Variants in SORCS1 observed in about 807,000 individuals in gnomAD.
SORCS1 encodes VPS10 domain-containing receptor SorCS1.
Under a neutral mutation model 146.1 loss-of-function variants are expected in SORCS1, and 60 were observed. That is an observed-to-expected ratio of 0.41 (90% CI 0.33 to 0.51). SORCS1 has a LOEUF of 0.51. SORCS1 is among the 20% of genes least tolerant of loss of function. The pLI is 0.21. For synonymous variants in SORCS1, 637 were observed against 584.0 expected (o/e 1.09, Z -1.31); for missense variants, 1,352 against 1,487.6 (o/e 0.91, Z 1.50).
At chr10:106,702,208 C>A (rs1854186991) in intron 8 of SORCS1, among the ~76,000 whole-genome samples, 1 of 152,210 alleles carries the variant, frequency 6.6e-6, no homozygotes, top group Non-Finnish European at 1.5e-5. Flanking sequence ...GGCTCCCCAT[C>A]CTATAGGGTA....
At chr10:106,674,476 T>G (rs1016695037) in intron 14 of SORCS1, among the ~76,000 whole-genome samples, 2 of 151,918 alleles carry the variant, frequency 1.3e-5, no homozygotes, top group Non-Finnish European at 2.9e-5. Flanking sequence ...TGTCCAGTTT[T>G]CCAAAGGAAG....
At chr10:106,752,035 AAAAAT>A (rs1158366305) in intron 5 of SORCS1, among the ~76,000 whole-genome samples, 71 of 152,320 alleles carry the variant, frequency 4.7e-4, no homozygotes, top group African/African-American at 1.7e-3. Context: ...TTTTAATGCT[AAAAAT>A]AAGACTTTGT....
chr10:106,838,874 G>C (rs1280685548), intron 2 of SORCS1, among the ~76,000 whole-genome samples: 3 of 152,090 alleles, frequency 2.0e-5, no homozygotes, highest in Non-Finnish European at 4.4e-5. Context: ...ATCTGTTATG[G>C]AGATCCGTGA....
At chr10:107,024,183 A>G (rs1958286383) in intron 1 of SORCS1, among the ~76,000 whole-genome samples, 1 of 151,816 alleles carries the variant, frequency 6.6e-6, no homozygotes, top group African/African-American at 2.4e-5. Flanking sequence ...CAAAAAAAAA[A>G]AAAAAAAAAA....
At chr10:106,722,464 A>C (rs1304231328) in intron 6 of SORCS1, among the ~76,000 whole-genome samples, 1 of 152,152 alleles carries the variant, frequency 6.6e-6, no homozygotes, top group African/African-American at 2.4e-5. Flanking sequence ...TAGTTATATA[A>C]AGTTGTGAGT....
chr10:106,701,193 A>G (rs894810706), intron 8 of SORCS1, among the ~76,000 whole-genome samples: 1 of 152,132 alleles, frequency 6.6e-6, no homozygotes, highest in Non-Finnish European at 1.5e-5. Flanking sequence ...ATTTTTTTTA[A>G]TATTTTCAAT....
chr10:106,941,665 A>G (rs1954048222), intron 2 of SORCS1, among the ~76,000 whole-genome samples: 1 of 152,258 alleles, frequency 6.6e-6, no homozygotes, highest in Non-Finnish European at 1.5e-5. Flanking sequence ...AAGCCAAAGT[A>G]AGGTCAACTT....
At chr10:107,049,332 A>G (rs551802426) in intron 1 of SORCS1, among the ~76,000 whole-genome samples, 3 of 149,906 alleles carry the variant, frequency 2.0e-5, no homozygotes, top group Admixed American at 2.0e-4. Flanking sequence ...TGACGAGTTA[A>G]TGGGTGCAGC....
chr10:106,854,969 T>C (rs775883886), intron 2 of SORCS1, among the ~76,000 whole-genome samples: 7 of 152,188 alleles, frequency 4.6e-5, no homozygotes, highest in Non-Finnish European at 1.0e-4. Context: ...TGCTCTTCTT[T>C]TCCTTACATA....
chr10:107,174,030 G>A, the SORCS1 span, among the ~76,000 whole-genome samples: 1 of 152,084 alleles, frequency 6.6e-6, no homozygotes, highest in African/African-American at 2.4e-5. Flanking sequence ...TAGGAATGAT[G>A]GACTTTTTAA....
chr10:106,761,757 C>T lies in SORCS1; in HGVS notation c.886-96G>A, dbSNP rs141910096. Reference sequence around the variant, plus strand: ...GATCAATAGTAATAATAATAATACCCAACATTTACTGAACACCTGCCATAT... The same window carrying T: ...GATCAATAGTAATAATAATAATACCTAACATTTACTGAACACCTGCCATAT... On this transcript the variant is annotated intron_variant, in intron 4 of 25. Transcript: ENST00000263054. 2.0e-4 allele frequency: 205 copies of T among 1,051,150 alleles called. No homozygotes were observed. The African/African-American group carries it at 2.6e-3, about 13-fold the overall frequency. 65.1% of individuals were successfully genotyped at this position (1,051,150 alleles called of 1,614,324 possible).
chr10:106,636,944 CTT>C (rs2133637111), intron 18 of SORCS1, among the ~76,000 whole-genome samples: 1 of 152,304 alleles, frequency 6.6e-6, no homozygotes, highest in Admixed American at 6.5e-5. Context: ...AACCAAAGAA[CTT>C]TGTAAGCTTC....
rs1963962413 is a variant in SORCS1, at chr10:107,088,835, T to G, written c.558+75134A>C. Among the ~76,000 whole-genome samples, 4 of 152,340 alleles carry G rather than the reference T, an allele frequency of 2.6e-5. No homozygotes were observed. The South Asian group carries it at 8.3e-4, about 32-fold the overall frequency. ...CCCTGAATTTGTCATGGTTCCTCCA[T>G]TTCCCAGAAACTTCCTGTTCAGCTT... On this transcript the variant is annotated intron_variant, in intron 1 of 25. Coordinates refer to ENST00000263054, the MANE Select transcript of SORCS1 (RefSeq NM_052918.5).
At chr10:107,134,118 T>C (rs913824204) in intron 1 of SORCS1, among the ~76,000 whole-genome samples, 1 of 152,100 alleles carries the variant, frequency 6.6e-6, no homozygotes, top group Non-Finnish European at 1.5e-5. Context: ...TTCCTGGCCC[T>C]GGGAAAAGTA....
chr10:106,773,346 G>A (rs1361888720), intron 4 of SORCS1, among the ~76,000 whole-genome samples: 1 of 152,168 alleles, frequency 6.6e-6, no homozygotes, highest in African/African-American at 2.4e-5. Context: ...CGACCCATGG[G>A]GGACTGTCAG....
At chr10:106,784,051 C>G (rs11193048) in intron 3 of SORCS1, among the ~76,000 whole-genome samples, 71,480 of 151,912 alleles carry the variant, frequency 0.47, 17,237 homozygotes, top group African/African-American at 0.59. Context: ...GGTGACAGTG[C>G]AGAATATGGA....
At chr10:106,950,314 C>G (rs1028158520) in intron 2 of SORCS1, among the ~76,000 whole-genome samples, 1 of 152,224 alleles carries the variant, frequency 6.6e-6, no homozygotes, top group African/African-American at 2.4e-5. Flanking sequence ...TGATATCCAG[C>G]AAGGCTTACA....
chr10:107,145,073 A>G (rs1968199038), intron 1 of SORCS1, among the ~76,000 whole-genome samples: 1 of 152,088 alleles, frequency 6.6e-6, no homozygotes, highest in African/African-American at 2.4e-5. Flanking sequence ...ATGCAGGGGG[A>G]GGTGTAAAAG....
chr10:107,019,806 C>T (rs927626170), intron 1 of SORCS1, among the ~76,000 whole-genome samples: 2 of 152,248 alleles, frequency 1.3e-5, no homozygotes, highest in African/African-American at 4.8e-5. Context: ...GCATGACTAT[C>T]TCTGTCCTTT....
Sources: gnomAD v4.1 joint callset for allele counts (sites outside exome capture counted in the v4.1 genomes callset) on GRCh38, gnomAD v4.1.1 for gene constraint, MANE v1.5 for transcripts, NCBI Gene and HGNC (gene_info 2026-07-23, HGNC 2026-07-21) for gene names.